The following DLG2 variants were observed in gnomAD, a reference collection of about 807,000 sequenced individuals.
The protein encoded by DLG2 is discs large MAGUK scaffold protein 2, also known as disks large homolog 2.
A neutral mutation model predicts 132.5 loss-of-function variants in DLG2; 45 were observed. The ratio of observed to expected loss-of-function variants is 0.34; its 90% CI spans 0.27 to 0.44. The LOEUF is 0.44. DLG2 is among the 20% of genes least tolerant of loss of function. The probability of loss-of-function intolerance (pLI) is 1.00; values close to 1 mark genes in which losing one functional copy is unlikely to be tolerated. For missense variants in DLG2, 1,045 were observed against 1,196.9 expected, an observed-to-expected ratio of 0.87 and a Z score of 1.87; for synonymous variants, 424 against 419.6, an observed-to-expected ratio of 1.01 and a Z score of -0.13.
chr11:85,229,535 G>A (rs1000032309), intron 4 of DLG2, among the ~76,000 whole-genome samples: 2 of 152,170 alleles, frequency 1.3e-5, no homozygotes, highest in African/African-American at 4.8e-5. Flanking sequence ...CTTTTACACT[G>A]TTGGTGGGAG....
chr11:83,608,277 C>A (rs1483465848), intron 19 of DLG2, among the ~76,000 whole-genome samples: 1 of 152,034 alleles, frequency 6.6e-6, no homozygotes, highest in African/African-American at 2.4e-5. Context: ...AATCATCTAA[C>A]AATGAAGCTT....
At chr11:83,923,991 T>C (rs760409770) in intron 15 of DLG2, among the ~76,000 whole-genome samples, 1 of 152,054 alleles carries the variant, frequency 6.6e-6, no homozygotes, top group Non-Finnish European at 1.5e-5. Flanking sequence ...ACCCACCCAA[T>C]AGCCCTCAGC....
chr11:85,167,843 T>G (rs2078572026), intron 4 of DLG2, among the ~76,000 whole-genome samples: 1 of 152,110 alleles, frequency 6.6e-6, no homozygotes, highest in South Asian at 2.1e-4. Context: ...GGAAAAGATA[T>G]TACTTTTTTC....
chr11:85,272,144 A>G (rs1440970899), intron 4 of DLG2, among the ~76,000 whole-genome samples: 1 of 152,170 alleles, frequency 6.6e-6, no homozygotes, highest in Non-Finnish European at 1.5e-5. Flanking sequence ...TTCTCATGAT[A>G]GTGAATAGGT....
At chr11:85,364,053 C>A (rs1000237044) in intron 3 of DLG2, among the ~76,000 whole-genome samples, 2 of 152,066 alleles carry the variant, frequency 1.3e-5, no homozygotes, top group Admixed American at 6.6e-5. Flanking sequence ...TGCTGAAGAC[C>A]AATGTTCTAC....
At chr11:84,542,364 G>T (rs2099376646) in intron 6 of DLG2, among the ~76,000 whole-genome samples, 1 of 152,136 alleles carries the variant, frequency 6.6e-6, no homozygotes, top group African/African-American at 2.4e-5. Flanking sequence ...CTTACACAAA[G>T]CCTGACATTA....
intron 4 of DLG2, among the ~76,000 whole-genome samples, chr11:85,183,413 T>C (rs1193788965): frequency 6.6e-6 from 1 of 151,952 alleles, no homozygotes; most frequent in Non-Finnish European, 1.5e-5. Flanking sequence ...TTATCATCTA[T>C]AGATGCTCAT....
At chr11:84,359,308 C>T (rs1229891114) in intron 7 of DLG2, among the ~76,000 whole-genome samples, 1 of 151,816 alleles carries the variant, frequency 6.6e-6, no homozygotes, top group Non-Finnish European at 1.5e-5. Flanking sequence ...TATTTCTTAA[C>T]AAATCTCATT....
At chr11:85,486,369 G>T (rs1270909812) in intron 3 of DLG2, among the ~76,000 whole-genome samples, 1 of 152,158 alleles carries the variant, frequency 6.6e-6, no homozygotes, top group African/African-American at 2.4e-5. Flanking sequence ...AGCCACCAAA[G>T]CCCACAGGGA....
chr11:85,020,805 T>A, intron 6 of DLG2: 1 of 728,042 alleles, frequency 1.4e-6, no homozygotes, highest in South Asian at 1.3e-5. Flanking sequence ...CCTCAGCCTC[T>A]TTTTCATCAT....
At chr11:85,393,747 T>A (rs567074296) in intron 3 of DLG2, among the ~76,000 whole-genome samples, 35 of 152,094 alleles carry the variant, frequency 2.3e-4, no homozygotes, top group Middle Eastern at 6.8e-3. Context: ...TGTATGTATA[T>A]TTTATGTATA....
chr11:84,998,794 T>C (rs1374367604), intron 6 of DLG2, among the ~76,000 whole-genome samples: 16 of 152,048 alleles, frequency 1.1e-4, no homozygotes, highest in Admixed American at 1.0e-3. Flanking sequence ...GCCCACCATG[T>C]ATGGAACTTT....
In DLG2 at chr11:84,663,242, TA is replaced by T. The variant is rs1439585280; in HGVS notation, c.358-128512del. Among the ~76,000 whole-genome samples, 505 of 66,382 alleles carry T rather than the reference TA, an allele frequency of 7.6e-3. 1 individual carries two copies. The highest frequency in any genetic ancestry group is 0.017 in the Admixed American group (81 of 4,684). The allele number at this position is 66,382 out of a possible 152,430, so 43.5% of individuals were successfully genotyped here. On this transcript the variant is annotated intron_variant, in intron 6 of 27. Transcript: ENST00000376104. ...TGCCTTTACAGGTTATATATATATATATATATATTTTTTTTTCATATATTCT... is the reference window on the plus strand; with the variant it reads ...TGCCTTTACAGGTTATATATATATATTATATATTTTTTTTTCATATATTCT...
At chr11:84,467,882 C>G (rs1208815684) in intron 7 of DLG2, among the ~76,000 whole-genome samples, 2 of 151,418 alleles carry the variant, frequency 1.3e-5, no homozygotes, top group Non-Finnish European at 3.0e-5. Context: ...AAAGATACAT[C>G]AAAAGACTGA....
intron 9 of DLG2, among the ~76,000 whole-genome samples, chr11:84,145,483 G>A (rs1167601213): frequency 1.3e-5 from 2 of 152,224 alleles, no homozygotes; most frequent in Non-Finnish European, 2.9e-5. Flanking sequence ...TACAAATAGG[G>A]TATTATAATC....
chr11:83,561,970 C>A (rs1017411391), intron 19 of DLG2, among the ~76,000 whole-genome samples: 7 of 130,890 alleles, frequency 5.3e-5, no homozygotes, highest in Admixed American at 9.1e-5. Flanking sequence ...CTTACTGCAA[C>A]CTTCACCTCC....
intron 17 of DLG2, among the ~76,000 whole-genome samples, chr11:83,798,480 G>A (rs1478964856): frequency 1.3e-5 from 2 of 152,142 alleles, no homozygotes; most frequent in African/African-American, 4.8e-5. Flanking sequence ...CAAAGAATAT[G>A]TTTGGTAGAA....
intron 6 of DLG2, among the ~76,000 whole-genome samples, chr11:84,694,615 A>C (rs369959724): frequency 6.6e-6 from 1 of 151,502 alleles, no homozygotes. Flanking sequence ...TTACTGGCCT[A>C]CTTTGTTTTA....
chr11:84,941,094 T>A (rs1474076636), intron 6 of DLG2, among the ~76,000 whole-genome samples: 1 of 152,226 alleles, frequency 6.6e-6, no homozygotes, highest in Non-Finnish European at 1.5e-5. Flanking sequence ...GTGTGTCTGT[T>A]TCTATGCCAG....
Sources: gnomAD v4.1 joint callset for allele counts (sites outside exome capture counted in the v4.1 genomes callset) on GRCh38, gnomAD v4.1.1 for gene constraint, MANE v1.5 for transcripts, NCBI Gene and HGNC (gene_info 2026-07-23, HGNC 2026-07-21) for gene names.